Variants in RANBP17 observed in about 807,000 individuals in gnomAD.
The protein encoded by RANBP17 is RAN binding protein 17.
A neutral mutation model predicts 141.2 loss-of-function variants in RANBP17; 158 were observed. That is an observed-to-expected ratio of 1.12 (90% confidence interval 0.98 to 1.28). The LOEUF (loss-of-function observed/expected upper bound fraction) is 1.28, where lower values mean the gene tolerates loss of function less well. Ranked by LOEUF, RANBP17 falls within the 50% of genes most tolerant of loss-of-function variation. The probability of loss-of-function intolerance (pLI) is 0.00; values close to 1 mark genes in which losing one functional copy is unlikely to be tolerated. For synonymous variants in RANBP17, 430 were observed against 450.0 expected (o/e 0.96, Z 0.56); for missense variants, 1,438 against 1,290.7 (o/e 1.11, Z -1.75).
At chr5:170,945,963 A>G (rs1774723015) in intron 12 of RANBP17, among the ~76,000 whole-genome samples, 1 of 152,178 alleles carries the variant, frequency 6.6e-6, no homozygotes, top group Non-Finnish European at 1.5e-5. Context: ...GTTGGATTAT[A>G]AGATACTGTT....
At chr5:170,970,150 C>G (rs1161266109) in intron 14 of RANBP17, among the ~76,000 whole-genome samples, 1 of 138,586 alleles carries the variant, frequency 7.2e-6, no homozygotes, top group Non-Finnish European at 1.6e-5. Flanking sequence ...AACAGACTCT[C>G]TAAGACATTT....
intron 14 of RANBP17, among the ~76,000 whole-genome samples, chr5:171,065,782 C>A (rs2127683459): frequency 6.6e-6 from 1 of 152,170 alleles, no homozygotes; most frequent in South Asian, 2.1e-4. Flanking sequence ...GTTTTTATAC[C>A]TTGGAGTAGT....
intron 14 of RANBP17, among the ~76,000 whole-genome samples, chr5:171,132,524 A>G (rs1275093096): frequency 6.6e-6 from 1 of 152,016 alleles, no homozygotes; most frequent in African/African-American, 2.4e-5. Context: ...GGAGTTCAAG[A>G]CCAGTCTAGG....
At position 170,982,771 on chromosome 5, in the gene RANBP17, A is replaced by G. The variant is rs184413893; in HGVS notation, c.1710+14394A>G. 4.1e-3 allele frequency among the ~76,000 whole-genome samples: 618 copies of G among 152,282 alleles called. 5 individuals carry two copies. The highest frequency in any genetic ancestry group is 0.014 in the African/African-American group (595 of 41,560). The stretch of plus-strand genomic sequence containing the variant: ...GCAAAGTGAGTGAAAGAAGATCCAT[A>G]TTAAGGTATAGTATTGGAAATTCAC... On this transcript the variant is annotated intron_variant, in intron 14 of 27. Coordinates refer to ENST00000523189, the MANE Select transcript of RANBP17 (RefSeq NM_022897.5).
intron 12 of RANBP17, among the ~76,000 whole-genome samples, chr5:170,948,636 A>T (rs1201213305): frequency 2.0e-5 from 3 of 152,222 alleles, no homozygotes; most frequent in Admixed American, 6.5e-5. Context: ...AGTACTCTTC[A>T]GATTGATCTC....
intron 14 of RANBP17, among the ~76,000 whole-genome samples, chr5:171,139,233 T>C (rs1256411096): frequency 6.6e-6 from 1 of 152,188 alleles, no homozygotes; most frequent in Non-Finnish European, 1.5e-5. Context: ...TCCTTTGAAG[T>C]AGAGATAGTT....
intron 14 of RANBP17, among the ~76,000 whole-genome samples, chr5:171,062,430 G>T (rs1426137101): frequency 2.0e-5 from 3 of 152,106 alleles, no homozygotes; most frequent in Admixed American, 1.3e-4. Context: ...GCTTAGTTTG[G>T]CTGGATATGA....
intron 3 of RANBP17, among the ~76,000 whole-genome samples, chr5:170,885,351 C>T (rs1309542722): frequency 1.3e-5 from 2 of 152,108 alleles, no homozygotes; most frequent in African/African-American, 4.8e-5. Flanking sequence ...GTAATATCAT[C>T]CATTTCAGTT....
chr5:170,909,824 C>T (rs774642261), intron 6 of RANBP17, 59 bp downstream of exon 6: 1 of 933,156 alleles, frequency 1.1e-6, no homozygotes, highest in African/African-American at 1.7e-5. Flanking sequence ...TTAAGAGTTT[C>T]AAAAGAATTT....
intron 2 of RANBP17, among the ~76,000 whole-genome samples, chr5:170,880,668 T>C (rs1768583927): frequency 6.6e-6 from 1 of 152,244 alleles, no homozygotes. Context: ...TCAGCATGTA[T>C]TGTATTCTTT....
intron 24 of RANBP17, among the ~76,000 whole-genome samples, chr5:171,260,853 T>C (rs1053179473): frequency 1.3e-5 from 2 of 151,894 alleles, no homozygotes; most frequent in Non-Finnish European, 2.9e-5. Flanking sequence ...CCTAAAAGCC[T>C]AAACAAGGAA....
intron 14 of RANBP17, among the ~76,000 whole-genome samples, chr5:171,145,937 A>G (rs1758001779): frequency 6.6e-6 from 1 of 152,202 alleles, no homozygotes; most frequent in Non-Finnish European, 1.5e-5. Flanking sequence ...TATTGTGTGT[A>G]ATAGGCCCCA....
intron 18 of RANBP17, among the ~76,000 whole-genome samples, chr5:171,187,949 TCATA>T (rs1485043119): frequency 2.0e-5 from 3 of 152,240 alleles, no homozygotes; most frequent in Non-Finnish European, 4.4e-5. Context: ...AAAAATGTGT[TCATA>T]CAAACAGAAG....
At chr5:170,906,780 A>G (rs767427218) in intron 5 of RANBP17, among the ~76,000 whole-genome samples, 1 of 151,722 alleles carries the variant, frequency 6.6e-6, no homozygotes, top group Non-Finnish European at 1.5e-5. Context: ...TTTCAAGCTG[A>G]TTTTTGTGTC....
chr5:171,267,026 C>CTTTTTTTTTTTTTTTTTTTTTT (rs35762251), intron 25 of RANBP17, among the ~76,000 whole-genome samples: 1 of 114,620 alleles, frequency 8.7e-6, no homozygotes, highest in African/African-American at 3.7e-5. Context: ...ATTTTCTTTT[C>CTTTTTTTTTTTTTTTTTTTTTT]TTTTTTTTTT....
chr5:170,939,329 A>G (rs1403423513), intron 12 of RANBP17, among the ~76,000 whole-genome samples: 1 of 152,036 alleles, frequency 6.6e-6, no homozygotes, highest in Non-Finnish European at 1.5e-5. Flanking sequence ...GAAAAGGAGT[A>G]CATGGAAATT....
At chr5:171,076,636 C>A (rs1468601417) in intron 14 of RANBP17, among the ~76,000 whole-genome samples, 3 of 152,028 alleles carry the variant, frequency 2.0e-5, no homozygotes, top group Non-Finnish European at 4.4e-5. Context: ...AGGTTTGGGT[C>A]AAAAAGATTC....
At chr5:171,047,511 A>G (rs1398055217) in intron 14 of RANBP17, among the ~76,000 whole-genome samples, 2 of 145,436 alleles carry the variant, frequency 1.4e-5, no homozygotes, top group South Asian at 2.2e-4. Flanking sequence ...ATCTCAGCTC[A>G]CTGCAACCTC....
At chr5:170,904,647 C>T (rs1442732504) in intron 5 of RANBP17, among the ~76,000 whole-genome samples, 1 of 152,092 alleles carries the variant, frequency 6.6e-6, no homozygotes, top group Non-Finnish European at 1.5e-5. Flanking sequence ...TTAGTGAAAT[C>T]CTAGTACCTG....
Sources: gnomAD v4.1 joint callset for allele counts (sites outside exome capture counted in the v4.1 genomes callset) on GRCh38, gnomAD v4.1.1 for gene constraint, MANE v1.5 for transcripts, NCBI Gene and HGNC (gene_info 2026-07-23, HGNC 2026-07-21) for gene names.